Variants in RNF169 observed in about 807,000 individuals in gnomAD.
RNF169 encodes the protein E3 ubiquitin-protein ligase RNF169.
A neutral mutation model predicts 53.9 loss-of-function variants in RNF169; 24 were observed. That is an observed-to-expected ratio of 0.45 (90% CI 0.32 to 0.63). The LOEUF is 0.63. Ranked by LOEUF, RNF169 falls within the 20% of genes least tolerant of loss-of-function variation. The pLI is 0.04. For synonymous variants in RNF169, 396 were observed against 363.5 expected (o/e 1.09, Z -1.02); for missense variants, 883 against 906.2 (o/e 0.97, Z 0.33).
chr11:74,833,203 T>A (rs2036205426), intron 4 of RNF169, among the ~76,000 whole-genome samples: 1 of 152,180 alleles, frequency 6.6e-6, no homozygotes, highest in South Asian at 2.1e-4. Context: ...TGCTACCCCC[T>A]CTACTTACTA....
intron 2 of RNF169, among the ~76,000 whole-genome samples, chr11:74,806,218 A>T (rs1177323667): frequency 6.6e-6 from 1 of 152,242 alleles, no homozygotes; most frequent in African/African-American, 2.4e-5. Flanking sequence ...ATTTCCACAT[A>T]ATAAACATGT....
At chr11:74,785,254 GAT>G (rs372269376) in intron 1 of RNF169, among the ~76,000 whole-genome samples, 3 of 135,706 alleles carry the variant, frequency 2.2e-5, no homozygotes, top group South Asian at 2.2e-4. Context: ...ATATATGTTA[GAT>G]ATATATGTTA....
chr11:74,788,988 G>A (rs1271427904), intron 1 of RNF169, among the ~76,000 whole-genome samples: 2 of 152,004 alleles, frequency 1.3e-5, no homozygotes, highest in Non-Finnish European at 2.9e-5. Flanking sequence ...TCCCTGCTTC[G>A]CCATGCACTA....
chr11:74,822,076 G>C (rs1053875457), intron 4 of RNF169, among the ~76,000 whole-genome samples: 4 of 151,556 alleles, frequency 2.6e-5, no homozygotes, highest in African/African-American at 9.7e-5. Context: ...GGAGAGGGTG[G>C]GAAGGGTCTT....
Position 74,778,915 on chromosome 11 carries a change from T to A in RNF169, c.503-10711T>A, listed in dbSNP as rs536108120. 5.9e-5 allele frequency among the ~76,000 whole-genome samples: 9 copies of A among 152,352 alleles called. No individual in the cohort carries two copies. In the South Asian group the frequency reaches 1.9e-3, roughly 32 times the overall value. On this transcript the variant is annotated intron_variant, in intron 1 of 5. Transcript: ENST00000299563. The stretch of plus-strand genomic sequence containing the variant: ...GTATGCTGAAGTTATTGCTATCAGG[T>A]GCATTTACCATACAGGTGACTTGCA...
chr11:74,806,495 A>C (rs752560725), intron 2 of RNF169, among the ~76,000 whole-genome samples: 3 of 152,220 alleles, frequency 2.0e-5, no homozygotes, highest in Non-Finnish European at 4.4e-5. Flanking sequence ...CTGCATACAT[A>C]TTCCGTAATA....
In RNF169 at chr11:74,839,059, C is replaced by T. The variant is rs752594807; in HGVS notation, c.*2329C>T. 6 of 152,126 alleles carry T rather than the reference C, an allele frequency of 3.9e-5. No homozygotes were observed. The highest frequency in any genetic ancestry group is 4.1e-4 in the South Asian group (2 of 4,828). The allele number at this position is 152,126 out of a possible 1,614,324, so 9.4% of individuals were successfully genotyped here. A position where few individuals can be genotyped will look rare whatever the true frequency, so the allele number is the denominator to read the frequency against. On this transcript the variant is annotated 3_prime_UTR_variant, in exon 6 of 6. Coordinates refer to ENST00000299563, the MANE Select transcript of RNF169 (RefSeq NM_001098638.2). ...TTTTAAATATTTCCCCAAATTAATA[C>T]TTTCATTTTAAGAATTGCATAGCAG...
chr11:74,788,498 T>G (rs917990563), intron 1 of RNF169, among the ~76,000 whole-genome samples: 1 of 152,128 alleles, frequency 6.6e-6, no homozygotes, highest in African/African-American at 2.4e-5. Flanking sequence ...GTTCAAGTGA[T>G]TGTCCTGCCT....
At chr11:74,758,498 A>G (rs1315306147) in intron 1 of RNF169, among the ~76,000 whole-genome samples, 1 of 150,526 alleles carries the variant, frequency 6.6e-6, no homozygotes, top group Non-Finnish European at 1.5e-5. Context: ...TTTTGGTTCC[A>G]TATGAACTTT....
intron 4 of RNF169, among the ~76,000 whole-genome samples, chr11:74,825,814 CTCCATCCCATGTGT>C (rs1371895639): frequency 1.6e-4 from 25 of 152,214 alleles, no homozygotes; most frequent in Admixed American, 1.0e-3. Context: ...ACCAAGTAGG[CTCCATCCCATGTGT>C]TAATCTTTTT....
At chr11:74,767,883 G>T (rs1224806921) in intron 1 of RNF169, among the ~76,000 whole-genome samples, 1 of 151,888 alleles carries the variant, frequency 6.6e-6, no homozygotes, top group Non-Finnish European at 1.5e-5. Context: ...TCAGTATGTT[G>T]CCAGGGCAGG....
intron 4 of RNF169, among the ~76,000 whole-genome samples, chr11:74,825,392 T>G (rs1279209783): frequency 1.3e-5 from 2 of 152,114 alleles, no homozygotes; most frequent in Admixed American, 1.3e-4. Flanking sequence ...AGAAAATACT[T>G]TGAGAGGAAT....
rs116318006 is a variant in RNF169, at chr11:74,818,546, A to G, written c.842+832A>G. Among the ~76,000 whole-genome samples, 542 of 152,154 alleles carry G rather than the reference A, an allele frequency of 3.6e-3. 4 individuals carry two copies. The highest frequency in any genetic ancestry group is 0.012 in the African/African-American group (513 of 41,488). On this transcript the variant is annotated intron_variant, in intron 4 of 5. Coordinates refer to ENST00000299563, the MANE Select transcript of RNF169 (RefSeq NM_001098638.2). ...GCTGAGACCATAGCTGTGTGCCACC[A>G]TGTCTGGCTAATTTTTAAAACGTTT...
chr11:74,756,026 A>C (rs896914046), intron 1 of RNF169, among the ~76,000 whole-genome samples: 1 of 152,158 alleles, frequency 6.6e-6, no homozygotes, highest in Non-Finnish European at 1.5e-5. Context: ...GGAGGTGGGG[A>C]GTCGTTAGGG....
chr11:74,778,351 G>T (rs2035366645), intron 1 of RNF169, among the ~76,000 whole-genome samples: 1 of 152,054 alleles, frequency 6.6e-6, no homozygotes, highest in South Asian at 2.1e-4. Context: ...ATGATAACTT[G>T]ATATGTTATC....
At chr11:74,785,983 C>T (rs2035495844) in intron 1 of RNF169, among the ~76,000 whole-genome samples, 1 of 149,354 alleles carries the variant, frequency 6.7e-6, no homozygotes, top group African/African-American at 2.5e-5. Flanking sequence ...GTTCTGTCCC[C>T]AGGCTGGAGT....
intron 2 of RNF169, among the ~76,000 whole-genome samples, chr11:74,804,049 G>C (rs1330515080): frequency 6.6e-6 from 1 of 152,180 alleles, no homozygotes; most frequent in Admixed American, 6.5e-5. Flanking sequence ...TCACTTCTCA[G>C]CCAGGGCCAC....
intron 1 of RNF169, among the ~76,000 whole-genome samples, chr11:74,760,068 T>G (rs1490328779): frequency 2.6e-5 from 4 of 151,666 alleles, no homozygotes; most frequent in African/African-American, 7.3e-5. Flanking sequence ...AATGTATCCA[T>G]TTCTTCTAGA....
intron 1 of RNF169, among the ~76,000 whole-genome samples, chr11:74,766,216 T>C (rs2035171943): frequency 6.6e-6 from 1 of 152,072 alleles, no homozygotes; most frequent in Non-Finnish European, 1.5e-5. Context: ...TGACTAGAAA[T>C]GTAACTAATT....
Sources: allele counts gnomAD v4.1 joint callset (sites outside exome capture counted in the v4.1 genomes callset), GRCh38; gene constraint gnomAD v4.1.1; transcripts MANE v1.5; gene names NCBI Gene and HGNC (gene_info 2026-07-23, HGNC 2026-07-21).